Variants in RTL4 observed in about 807,000 individuals in gnomAD.
The protein encoded by RTL4 is retrotransposon Gag like 4, also known as retrotransposon Gag-like protein 4.
In RTL4, 4 loss-of-function variants were observed where a neutral mutation model predicts 5.3. That is an observed-to-expected ratio of 0.75 (90% CI 0.37 to 1.72). RTL4 has a LOEUF of 1.72. Among genes scored for constraint, RTL4 ranks in the 40% most tolerant of loss-of-function variants. RTL4 has a pLI of 0.04. For synonymous variants in RTL4, 98 were observed against 87.3 expected (o/e 1.12, Z -0.68); for missense variants, 260 against 227.1 (o/e 1.14, Z -0.93).
the RTL4 span, among the ~76,000 whole-genome samples, chrX:112,225,775 G>T: frequency 1.1e-4 from 12 of 111,643 alleles, no homozygotes; most frequent in African/African-American, 2.9e-4. Context: ...TAAGTTTAAG[G>T]TCCACTGCCC....
At chrX:112,137,822 T>C in the RTL4 span, among the ~76,000 whole-genome samples, 1 of 111,847 alleles carries the variant, frequency 8.9e-6, no homozygotes, top group Non-Finnish European at 1.9e-5. Flanking sequence ...CCAGCCAATA[T>C]TGAGAACAGT....
the RTL4 span, among the ~76,000 whole-genome samples, chrX:112,117,460 T>A: frequency 9.0e-6 from 1 of 110,859 alleles, no homozygotes; most frequent in Admixed American, 9.6e-5. Flanking sequence ...ATGTCAAAAA[T>A]GGTGTTAATA....
chrX:112,362,124 C>T, the RTL4 span, among the ~76,000 whole-genome samples: 7 of 112,169 alleles, frequency 6.2e-5, no homozygotes, highest in South Asian at 3.7e-4. Context: ...ATGACAGCAA[C>T]GATATCTCGG....
chrX:112,084,838 C>A, the RTL4 span, among the ~76,000 whole-genome samples: 1 of 111,752 alleles, frequency 8.9e-6, no homozygotes, highest in African/African-American at 3.3e-5. Context: ...CATATGAGGA[C>A]TGTGTGTGCT....
the RTL4 span, among the ~76,000 whole-genome samples, chrX:112,402,869 GA>G: frequency 9.9e-5 from 11 of 111,169 alleles, no homozygotes; most frequent in African/African-American, 2.9e-4. Flanking sequence ...GAAGGACAGA[GA>G]AAAAAAATTT....
At chrX:112,095,012 T>G in the RTL4 span, among the ~76,000 whole-genome samples, 670 of 111,377 alleles carry the variant, frequency 6.0e-3, 7 homozygotes, top group African/African-American at 0.021. Context: ...AGAAAACATT[T>G]GATACGTTTA....
At chrX:112,379,582 T>C in the RTL4 span, among the ~76,000 whole-genome samples, 30 of 112,250 alleles carry the variant, frequency 2.7e-4, no homozygotes, top group African/African-American at 5.2e-4. Flanking sequence ...AACCTCTTTG[T>C]CTTATTTCTC....
the RTL4 span, among the ~76,000 whole-genome samples, chrX:112,220,545 C>T: frequency 1.8e-5 from 2 of 113,056 alleles, no homozygotes; most frequent in Admixed American, 1.9e-4. Flanking sequence ...CTCCTGGTTA[C>T]TTATACAAAT....
chrX:112,406,424 G>A, the RTL4 span, among the ~76,000 whole-genome samples: 4 of 110,476 alleles, frequency 3.6e-5, no homozygotes, highest in South Asian at 1.6e-3. Flanking sequence ...GAGAGAGCGA[G>A]GGGAGAGGTG....
chrX:112,159,034 T>C, the RTL4 span, among the ~76,000 whole-genome samples: 1 of 112,266 alleles, frequency 8.9e-6, no homozygotes, highest in Non-Finnish European at 1.9e-5. Context: ...AAATTGCTAT[T>C]TCATTCTTGC....
the RTL4 span, among the ~76,000 whole-genome samples, chrX:112,321,492 T>G: frequency 4.7e-4 from 46 of 98,819 alleles, no homozygotes; most frequent in African/African-American, 1.7e-3. Context: ...GCCGAGATCA[T>G]GCCCCTGCAC....
chrX:112,087,797 G>A, the RTL4 span, among the ~76,000 whole-genome samples: 3 of 111,173 alleles, frequency 2.7e-5, no homozygotes, highest in Non-Finnish European at 5.7e-5. Context: ...GGATTTAATT[G>A]GATAATGCAT....
At chrX:112,243,650 C>G in the RTL4 span, among the ~76,000 whole-genome samples, 1 of 111,331 alleles carries the variant, frequency 9.0e-6, no homozygotes, top group African/African-American at 3.3e-5. Flanking sequence ...AAAACCAGCT[C>G]CTGGATTCAT....
At chrX:112,260,263 A>G in the RTL4 span, among the ~76,000 whole-genome samples, 3 of 111,352 alleles carry the variant, frequency 2.7e-5, no homozygotes, top group Admixed American at 9.6e-5. Flanking sequence ...AAGCAAGTAC[A>G]GCTTTTAACA....
At chrX:112,271,635 T>G in the RTL4 span, among the ~76,000 whole-genome samples, 1 of 112,462 alleles carries the variant, frequency 8.9e-6, no homozygotes, top group South Asian at 3.7e-4. Context: ...CTCTCAATTA[T>G]TTTTAAAATT....
At chrX:112,259,559 C>T in the RTL4 span, among the ~76,000 whole-genome samples, 1 of 109,814 alleles carries the variant, frequency 9.1e-6, no homozygotes, top group African/African-American at 3.3e-5. Context: ...TACTTTTGCA[C>T]CAACCTAATA....
chrX:112,182,685 C>G, the RTL4 span, among the ~76,000 whole-genome samples: 1 of 112,172 alleles, frequency 8.9e-6, no homozygotes, highest in Non-Finnish European at 1.9e-5. Flanking sequence ...ACCAAACCTA[C>G]ATTTGATTGG....
the RTL4 span, among the ~76,000 whole-genome samples, chrX:112,265,729 T>C: frequency 9.1e-6 from 1 of 110,487 alleles, no homozygotes; most frequent in Non-Finnish European, 1.9e-5. Flanking sequence ...CAGCTCTGTG[T>C]TGGACCATAT....
At chrX:112,451,212 G>T (rs1040928939), upstream of RTL4, among the ~76,000 whole-genome samples, 3 of 112,063 alleles carry the variant, frequency 2.7e-5, no homozygotes, top group Non-Finnish European at 5.6e-5. Context: ...GATGCTGAGT[G>T]CAGTGACTCA....
Sources: allele counts gnomAD v4.1 joint callset (sites outside exome capture counted in the v4.1 genomes callset), GRCh38; gene constraint gnomAD v4.1.1; transcripts MANE v1.5; gene names NCBI Gene and HGNC (gene_info 2026-07-23, HGNC 2026-07-21).